SCML2: variants seen among roughly 807,000 people sequenced by gnomAD.
SCML2 encodes the protein sex comb on midleg-like protein 2.
A neutral mutation model predicts 48.4 loss-of-function variants in SCML2; 6 were observed. The observed-to-expected ratio is 0.12, with a 90% CI of 0.07 to 0.24. SCML2 has a LOEUF of 0.24. Ranked by LOEUF, SCML2 falls within the 10% of genes least tolerant of loss-of-function variation. SCML2 has a pLI of 1.00. For missense variants in SCML2, 377 were observed against 528.2 expected (o/e 0.71, Z 2.81); for synonymous variants, 181 against 189.5 (o/e 0.95, Z 0.37).
At chrX:18,257,324 T>C (rs192550762) in intron 10 of SCML2, among the ~76,000 whole-genome samples, 8 of 111,843 alleles carry the variant, frequency 7.2e-5, no homozygotes, top group Admixed American at 2.8e-4. Flanking sequence ...TGTTGTGGTG[T>C]CTGATCATAG....
chrX:18,349,381 T>C (rs1438521545), intron 1 of SCML2, among the ~76,000 whole-genome samples: 1 of 112,743 alleles, frequency 8.9e-6, no homozygotes, highest in East Asian at 2.8e-4. Flanking sequence ...AAGGAATTCA[T>C]GTAGTCTAGG....
chrX:18,339,969 C>A (rs1297088056), intron 1 of SCML2, among the ~76,000 whole-genome samples: 1 of 111,984 alleles, frequency 8.9e-6, no homozygotes, highest in Non-Finnish European at 1.9e-5. Context: ...TATATGTAAA[C>A]CCATATACAA....
intron 6 of SCML2, among the ~76,000 whole-genome samples, chrX:18,307,564 C>A (rs1928796362): frequency 8.9e-6 from 1 of 111,996 alleles, no homozygotes; most frequent in South Asian, 3.7e-4. Context: ...TGTCTTATAA[C>A]AGACTGAGAC....
chrX:18,323,446 T>C (rs1929382820), intron 5 of SCML2, among the ~76,000 whole-genome samples: 1 of 111,976 alleles, frequency 8.9e-6, no homozygotes, highest in African/African-American at 3.2e-5. Context: ...TGTGGAATCA[T>C]ACCCTTCCCC....
intron 6 of SCML2, among the ~76,000 whole-genome samples, chrX:18,319,595 C>CAAAAAAAAAAAAAAAAAAAAAAAAAA (rs1354418550): frequency 2.9e-5 from 1 of 34,042 alleles, no homozygotes; most frequent in Non-Finnish European, 5.8e-5. Flanking sequence ...GACTCTGTCT[C>CAAAAAAAAAAAAAAAAAAAAAAAAAA]AAAAAAAAAA....
chrX:18,319,614 A>C (rs1184816717), intron 6 of SCML2, among the ~76,000 whole-genome samples: 1 of 109,157 alleles, frequency 9.2e-6, no homozygotes, highest in Non-Finnish European at 1.9e-5. Flanking sequence ...AAAACAAAAA[A>C]AAAAAAACCT....
At chrX:18,329,053 T>C (rs1929570135) in intron 3 of SCML2, among the ~76,000 whole-genome samples, 1 of 111,501 alleles carries the variant, frequency 9.0e-6, no homozygotes, top group South Asian at 3.8e-4. Flanking sequence ...GGATTTCTTT[T>C]TAGGGGGATA....
chrX:18,324,370 G>T lies in SCML2; in HGVS notation c.163-277C>A, dbSNP rs1188702230. On this transcript the variant is annotated intron_variant, in intron 4 of 14. Transcript: ENST00000251900. Reference sequence around the variant, plus strand: ...AAAATATACCGAGTGGCTTTCTAAAGTAAGAATCTGATTAGACCATTCCCC... The same window carrying T: ...AAAATATACCGAGTGGCTTTCTAAATTAAGAATCTGATTAGACCATTCCCC... 2.7e-5 allele frequency among the ~76,000 whole-genome samples: 3 copies of T among 111,718 alleles called. No homozygotes were observed. The East Asian group carries it at 8.5e-4, about 32-fold the overall frequency.
intron 7 of SCML2, among the ~76,000 whole-genome samples, chrX:18,277,925 G>A (rs1380177106): frequency 9.0e-6 from 1 of 110,537 alleles, no homozygotes; most frequent in African/African-American, 3.3e-5. Context: ...CCAGCACTTT[G>A]GGAAGCCGAG....
intron 1 of SCML2, among the ~76,000 whole-genome samples, chrX:18,336,713 G>A (rs760875830): frequency 6.3e-4 from 69 of 109,944 alleles, no homozygotes; most frequent in Non-Finnish European, 8.9e-4. Context: ...CTCCAGCCTG[G>A]GCGACAGAGC....
chrX:18,242,994 C>G (rs1369385847), intron 13 of SCML2, among the ~76,000 whole-genome samples: 2 of 112,438 alleles, frequency 1.8e-5, no homozygotes, highest in African/African-American at 6.5e-5. Flanking sequence ...TCTGTCTAGA[C>G]TAGGTATATT....
intron 11 of SCML2, among the ~76,000 whole-genome samples, chrX:18,250,327 C>T (rs1028417705): frequency 9.0e-6 from 1 of 111,616 alleles, no homozygotes; most frequent in Admixed American, 9.5e-5. Flanking sequence ...ATTCTTGTGC[C>T]TCAGCCTCCC....
intron 1 of SCML2, among the ~76,000 whole-genome samples, chrX:18,334,504 T>G (rs1324018881): frequency 8.9e-6 from 1 of 111,943 alleles, no homozygotes; most frequent in African/African-American, 3.2e-5. Context: ...TGAGGCCTAT[T>G]CCAGGAAGCC....
At chrX:18,274,251 G>A (rs1306938223) in intron 7 of SCML2, among the ~76,000 whole-genome samples, 3 of 111,391 alleles carry the variant, frequency 2.7e-5, no homozygotes, top group South Asian at 3.8e-4. Flanking sequence ...TCCTTCCAGC[G>A]CCCAAAAGCA....
chrX:18,266,725 T>C (rs147271634), intron 7 of SCML2, among the ~76,000 whole-genome samples: 92 of 112,261 alleles, frequency 8.2e-4, no homozygotes, highest in African/African-American at 2.8e-3. Flanking sequence ...TGCTGCTTTG[T>C]TCCTCCCACA....
intron 7 of SCML2, among the ~76,000 whole-genome samples, chrX:18,270,213 C>T (rs1304046423): frequency 2.8e-5 from 3 of 109,078 alleles, no homozygotes; most frequent in Admixed American, 9.9e-5. Flanking sequence ...TTTTTAGTAG[C>T]GACTGGGTTT....
intron 7 of SCML2, among the ~76,000 whole-genome samples, chrX:18,282,321 G>A (rs746976915): frequency 3.6e-5 from 4 of 109,659 alleles, no homozygotes; most frequent in Non-Finnish European, 5.7e-5. Context: ...AAATATAAAA[G>A]ATCCTCAGAG....
At chrX:18,263,355 T>C (rs975790918) in intron 8 of SCML2, among the ~76,000 whole-genome samples, 1 of 111,841 alleles carries the variant, frequency 8.9e-6, no homozygotes, top group Non-Finnish European at 1.9e-5. Context: ...TAGTTATAAA[T>C]AGTCATGTTA....
At chrX:18,269,811 A>C (rs907035081) in intron 7 of SCML2, among the ~76,000 whole-genome samples, 4 of 111,465 alleles carry the variant, frequency 3.6e-5, no homozygotes, top group Non-Finnish European at 7.5e-5. Context: ...TATTCTATAT[A>C]AAATAAGCAG....
Sources: allele counts gnomAD v4.1 joint callset (sites outside exome capture counted in the v4.1 genomes callset), GRCh38; gene constraint gnomAD v4.1.1; transcripts MANE v1.5; gene names NCBI Gene and HGNC (gene_info 2026-07-23, HGNC 2026-07-21).